NEK6: variants seen among roughly 807,000 people sequenced by gnomAD.
NEK6 encodes the protein serine/threonine-protein kinase Nek6.
A neutral mutation model predicts 43.5 loss-of-function variants in NEK6; 27 were observed. The observed-to-expected ratio is 0.62, with a 90% confidence interval of 0.46 to 0.86. NEK6 has a LOEUF of 0.86. Among genes scored for constraint, NEK6 ranks in the 40% least tolerant of loss-of-function variants. The pLI is 0.00. For missense variants in NEK6, 318 were observed against 414.4 expected, an observed-to-expected ratio of 0.77 and a Z score of 2.02; for synonymous variants, 167 against 164.1, an observed-to-expected ratio of 1.02 and a Z score of -0.14.
Position 124,347,765 on chromosome 9 carries a change from C to G in NEK6, c.774C>G (p.Cys258Trp). Residue 258 changes from cysteine to tryptophan, a missense_variant, in exon 9 of 10, where the codon TGC becomes TGG. Coordinates refer to ENST00000320246, the MANE Select transcript of NEK6 (RefSeq NM_014397.6). The part of the protein sequence containing the change: ...YGDKMNLFSL[C>W]QKIEQCDYPP... ...ATAAGATGAATCTCTTCTCCCTGTG[C>G]CAGAAGATCGAGCAGTGTGACTACC... is the stretch of plus-strand genomic sequence containing the variant. 1 of 1,613,284 alleles carries G rather than the reference C, an allele frequency of 6.2e-7. No individual in the cohort carries two copies. Among genetic ancestry groups the G allele is most frequent in the Non-Finnish European group, 8.5e-7 (1 of 1,179,572 alleles).
At chr9:124,327,262 TC>T in intron 6 of NEK6, 75 bp from the exon 7 acceptor site, 1 of 1,205,426 alleles carries the variant, frequency 8.3e-7, no homozygotes. Context: ...CTCACCTTCC[TC>T]CCCCTTCCTC....
At chr9:124,292,008 G>A (rs1832444758) in intron 1 of NEK6, 32 of 989,312 alleles carry the variant, frequency 3.2e-5, no homozygotes, top group Non-Finnish European at 3.7e-5. Flanking sequence ...CAGCTCCCTG[G>A]AGGCCCAGGC....
chr9:124,346,674 G>A (rs1829944353), intron 8 of NEK6, among the ~76,000 whole-genome samples: 1 of 152,164 alleles, frequency 6.6e-6, no homozygotes, highest in Non-Finnish European at 1.5e-5. Context: ...GCCAGCAGGT[G>A]CCACGCTGGG....
intron 2 of NEK6, among the ~76,000 whole-genome samples, chr9:124,307,307 C>G (rs1833303082): frequency 6.6e-6 from 1 of 152,186 alleles, no homozygotes; most frequent in Non-Finnish European, 1.5e-5. Context: ...GACATCCTCC[C>G]TGCCCCCCAG....
chr9:124,314,042 G>A (rs979312804), intron 4 of NEK6, 57 bp downstream of exon 4: 25 of 1,518,408 alleles, frequency 1.6e-5, no homozygotes, highest in African/African-American at 4.1e-5. Flanking sequence ...CTGGGGCCGC[G>A]GCTGGGCCAC....
At position 124,326,802 on chromosome 9, in the gene NEK6, A is replaced by G. The variant is rs1834363238; in HGVS notation, c.514+364A>G. 2.6e-5 allele frequency among the ~76,000 whole-genome samples: 4 copies of G among 152,148 alleles called. No homozygotes were observed. The South Asian group carries it at 8.3e-4, about 32-fold the overall frequency. On this transcript the variant is annotated intron_variant, in intron 6 of 9. Transcript: ENST00000320246. The surrounding 1 kb of genome is among the most constrained non-coding windows in gnomAD (Gnocchi z 4.5). ...AGGCACCTGAGAGGGGTGTTTCCACAGTTGACATGATTCCGAGTTGTGAGA... is the reference window on the plus strand; with the variant it reads ...AGGCACCTGAGAGGGGTGTTTCCACGGTTGACATGATTCCGAGTTGTGAGA...
intron 8 of NEK6, among the ~76,000 whole-genome samples, chr9:124,346,762 T>C (rs1364835073): frequency 6.6e-6 from 1 of 152,040 alleles, no homozygotes; most frequent in African/African-American, 2.4e-5. Context: ...CCCTGAGTGG[T>C]GGGGCAGCCT....
Position 124,330,382 on chromosome 9 carries a change from C to T in NEK6, c.622+2937C>T, listed in dbSNP as rs953911317. On this transcript the variant is annotated intron_variant, in intron 7 of 9. Coordinates refer to ENST00000320246, the MANE Select transcript of NEK6 (RefSeq NM_014397.6). Reference sequence around the variant, plus strand: ...CAAGCTACAAGCAAGTGTCTCGCTCCGAGCAACGGCAGCAGCTGCAAGACA... The same window carrying T: ...CAAGCTACAAGCAAGTGTCTCGCTCTGAGCAACGGCAGCAGCTGCAAGACA... Among the ~76,000 whole-genome samples the T allele has an allele frequency of 5.9e-5, 9 of 152,328 alleles. No homozygotes were observed. The Middle Eastern group carries it at 0.01, about 173-fold the overall frequency.
chr9:124,338,847 C>G (rs1424915427), intron 7 of NEK6, among the ~76,000 whole-genome samples: 1 of 152,126 alleles, frequency 6.6e-6, no homozygotes, highest in Non-Finnish European at 1.5e-5. Context: ...TGGTCAGCCT[C>G]CACAGTGATG....
intron 6 of NEK6, 38 bp from the exon 7 acceptor site, chr9:124,327,300 T>A: frequency 1.3e-6 from 2 of 1,557,246 alleles, no homozygotes; most frequent in Non-Finnish European, 1.8e-6. Context: ...ACCCCAAGCC[T>A]CCTACCCCAC....
rs752994242 is a variant in NEK6 at position 124,326,481 on chromosome 9, C to A, written c.514+43C>A. The A allele has an allele frequency of 2.8e-6, 4 of 1,448,990 alleles. No individual in the cohort carries two copies. Among genetic ancestry groups the A allele is most frequent in the Non-Finnish European group, 3.8e-6 (4 of 1,041,506 alleles). The allele number at this position is 1,448,990 out of a possible 1,614,324, so 89.8% of individuals were successfully genotyped here. On this transcript the variant is annotated intron_variant, in intron 6 of 9. Transcript: ENST00000320246. The surrounding 1 kb of genome is among the most constrained non-coding windows in gnomAD (Gnocchi z 4.5). ...GGAGCCGCCCGGAGCCACCTGGAGCCCAGGAAGACACTTCCTCATGGCTCC... is the reference window on the plus strand; with the variant it reads ...GGAGCCGCCCGGAGCCACCTGGAGCACAGGAAGACACTTCCTCATGGCTCC...
At chr9:124,327,542 G>C in intron 7 of NEK6, 97 bp downstream of exon 7, 1 of 951,396 alleles carries the variant, frequency 1.1e-6, no homozygotes, top group Non-Finnish European at 1.7e-6. Context: ...TGGTCAGTTA[G>C]TGCAGGAAGA....
At chr9:124,304,174 A>G (rs937725863) in intron 2 of NEK6, among the ~76,000 whole-genome samples, 4 of 152,234 alleles carry the variant, frequency 2.6e-5, no homozygotes, top group Admixed American at 6.5e-5. Flanking sequence ...CCAGGTTGGG[A>G]TGGGAAAGGG....
intron 1 of NEK6, among the ~76,000 whole-genome samples, chr9:124,295,044 G>A (rs969345709): frequency 1.3e-4 from 20 of 152,192 alleles, no homozygotes; most frequent in East Asian, 1.9e-4. Flanking sequence ...GGTGGGCACC[G>A]TGTGGCCCCC....
At chr9:124,260,016 G>A (rs1830968677) in intron 1 of NEK6, among the ~76,000 whole-genome samples, 2 of 147,138 alleles carry the variant, frequency 1.4e-5, no homozygotes, top group Admixed American at 1.4e-4. Context: ...GCTGGGAGCC[G>A]TTCTAGGGGG....
At chr9:124,284,207 G>A (rs955355047) in intron 1 of NEK6, among the ~76,000 whole-genome samples, 1 of 152,232 alleles carries the variant, frequency 6.6e-6, no homozygotes, top group African/African-American at 2.4e-5. Context: ...AAATTAGCCA[G>A]GTGTGGTGGT....
intron 1 of NEK6, among the ~76,000 whole-genome samples, chr9:124,269,296 C>T (rs913290791): frequency 6.6e-6 from 1 of 152,056 alleles, no homozygotes; most frequent in African/African-American, 2.4e-5. Flanking sequence ...ATTACTGTGC[C>T]GTGCTACTCT....
intron 1 of NEK6, among the ~76,000 whole-genome samples, chr9:124,274,169 T>C (rs1040926062): frequency 2.6e-5 from 4 of 152,196 alleles, no homozygotes; most frequent in African/African-American, 9.7e-5. Flanking sequence ...CCTTGGGTGG[T>C]AAAGATCCTT....
intron 1 of NEK6, among the ~76,000 whole-genome samples, chr9:124,268,734 C>T (rs192749532): frequency 1.7e-3 from 255 of 152,292 alleles, no homozygotes; most frequent in African/African-American, 5.5e-3. Context: ...CTCAGTTCAG[C>T]GTCTTGCCAC....
Sources: allele counts gnomAD v4.1 joint callset (sites outside exome capture counted in the v4.1 genomes callset), GRCh38; gene constraint gnomAD v4.1.1; non-coding constraint Gnocchi (gnomAD v3.1); transcripts MANE v1.5; gene names NCBI Gene and HGNC (gene_info 2026-07-23, HGNC 2026-07-21).